Variants in PDE6C observed in about 807,000 individuals in gnomAD.
PDE6C encodes the protein phosphodiesterase 6C.
PDE6C carries 75 observed loss-of-function variants against 113.1 expected under a neutral mutation model. That is an observed-to-expected ratio of 0.66 (90% confidence interval 0.55 to 0.80). PDE6C has a LOEUF of 0.80. PDE6C is among the 30% of genes least tolerant of loss of function. The pLI is 0.00. For synonymous variants in PDE6C, 375 were observed against 363.7 expected, an observed-to-expected ratio of 1.03 and a Z score of -0.35; for missense variants, 912 against 1,038.6, an observed-to-expected ratio of 0.88 and a Z score of 1.67.
intron 4 of PDE6C, among the ~76,000 whole-genome samples, chr10:93,622,639 GTTTTTT>G (rs67350128): frequency 8.8e-6 from 1 of 113,992 alleles, no homozygotes; most frequent in East Asian, 2.7e-4. Flanking sequence ...GTAGCCACAG[GTTTTTT>G]TTTTGTTTTT....
chr10:93,665,245 A>T, intron 21 of PDE6C, 115 bp from the exon 22 acceptor site: 1 of 822,648 alleles, frequency 1.2e-6, no homozygotes, highest in Non-Finnish European at 2.1e-6. Context: ...AGTACTTGCT[A>T]GGTTAAAATG....
At chr10:93,643,320 G>A (rs2058568351) in intron 14 of PDE6C, among the ~76,000 whole-genome samples, 1 of 151,980 alleles carries the variant, frequency 6.6e-6, no homozygotes, top group Non-Finnish European at 1.5e-5. Flanking sequence ...CAACTGTATG[G>A]GCATGTGGTG....
At chr10:93,622,862 A>T (rs2058455379) in intron 4 of PDE6C, among the ~76,000 whole-genome samples, 1 of 152,036 alleles carries the variant, frequency 6.6e-6, no homozygotes, top group Non-Finnish European at 1.5e-5. Context: ...AGGTTTGTGT[A>T]TCCATTCACC....
chr10:93,638,883 A>T (rs2058546304), intron 11 of PDE6C, among the ~76,000 whole-genome samples: 1 of 152,088 alleles, frequency 6.6e-6, no homozygotes. Context: ...GGGCTGGGGG[A>T]ACCAGAAACC....
chr10:93,620,754 T>A lies in PDE6C; in HGVS notation c.603T>A (p.Asn201Lys). 2 of 1,614,116 alleles carry A rather than the reference T, an allele frequency of 1.2e-6. No individual in the cohort carries two copies. The highest frequency in any genetic ancestry group is 1.7e-6 in the Non-Finnish European group (2 of 1,180,012). Residue 201 changes from asparagine to lysine, a missense_variant, in exon 2 of 22, where the codon AAT becomes AAA. Physicochemically the swap from Asn to Lys is moderately conservative, Grantham distance 94. Transcript: ENST00000371447. ...TGATCATGGCAGTTAACAAAGTAAA[T>A]GCATCTGAATTTTCCAAACAGGATG... The part of the protein sequence containing the change: ...LAVIMAVNKV[N>K]ASEFSKQDEE...
Position 93,640,123 on chromosome 10 carries a change from T to C in PDE6C, c.1536T>C (p.Ser512=), listed in dbSNP as rs2134611213. 5.0e-6 allele frequency: 8 copies of C among 1,614,020 alleles called. No individual in the cohort carries two copies. The highest frequency in any genetic ancestry group is 6.8e-6 in the Non-Finnish European group (8 of 1,179,876). The change falls in exon 12 of 22, where the codon AGT becomes AGC. Residue 512 remains serine (S), a synonymous_variant. Transcript: ENST00000371447. ...CAGAACTGTACGAATTCCGCTTCAG[T>C]GACTTCCCCCTTACAGAGCACGGAT... ...RSAELYEFRF[S]DFPLTEHGLI...
intron 3 of PDE6C, among the ~76,000 whole-genome samples, chr10:93,621,369 T>G (rs994444577): frequency 6.6e-6 from 1 of 152,198 alleles, no homozygotes; most frequent in Non-Finnish European, 1.5e-5. Flanking sequence ...TTGAGGAGCA[T>G]ATTATTCCTA....
intron 14 of PDE6C, among the ~76,000 whole-genome samples, chr10:93,644,258 CT>C (rs900572434): frequency 6.6e-6 from 1 of 152,150 alleles, no homozygotes; most frequent in African/African-American, 2.4e-5. Context: ...ACATTTTCTC[CT>C]TTGCAATTAA....
At chr10:93,642,545 CT>C (rs2058564998) in intron 14 of PDE6C, among the ~76,000 whole-genome samples, 1 of 152,140 alleles carries the variant, frequency 6.6e-6, no homozygotes, top group South Asian at 2.1e-4. Context: ...TGAACTACCC[CT>C]CTCCAGAAGT....
chr10:93,648,657 G>T (rs553048716), intron 15 of PDE6C, among the ~76,000 whole-genome samples: 1 of 152,284 alleles, frequency 6.6e-6, no homozygotes, highest in South Asian at 2.1e-4. Flanking sequence ...TCACTGCTTT[G>T]AGGAATAGAA....
chr10:93,620,509 G>A (rs1446590803), intron 1 of PDE6C, 123 bp from the exon 2 acceptor site: 8 of 968,142 alleles, frequency 8.3e-6, no homozygotes, highest in Non-Finnish European at 1.3e-5. Flanking sequence ...GGGGACCACT[G>A]TACTGGAGCC....
intron 15 of PDE6C, among the ~76,000 whole-genome samples, chr10:93,647,171 T>G (rs1182541359): frequency 6.6e-6 from 1 of 152,148 alleles, no homozygotes; most frequent in African/African-American, 2.4e-5. Context: ...TTAAGAACGT[T>G]CCAAACCAAA....
intron 15 of PDE6C, among the ~76,000 whole-genome samples, chr10:93,649,715 A>G (rs1235457769): frequency 6.6e-6 from 1 of 152,006 alleles, no homozygotes; most frequent in East Asian, 1.9e-4. Context: ...AGAGATTCTC[A>G]CACCTCAGCC....
intron 15 of PDE6C, among the ~76,000 whole-genome samples, chr10:93,653,875 T>C (rs2058620888): frequency 6.6e-6 from 1 of 152,194 alleles, no homozygotes; most frequent in African/African-American, 2.4e-5. Flanking sequence ...ACTTTTCTTG[T>C]CCTAGAAAAT....
chr10:93,665,720 A>G lies in PDE6C; in HGVS notation c.*302A>G. 2.6e-6 allele frequency: 1 copy of G among 378,472 alleles called. No individual in the cohort carries two copies. The highest frequency in any genetic ancestry group is 2.4e-5 in the South Asian group (1 of 41,742). The allele number at this position is 378,472 out of a possible 1,614,324, so 23.4% of individuals were successfully genotyped here. On this transcript the variant is annotated 3_prime_UTR_variant, in exon 22 of 22. Coordinates refer to ENST00000371447, the MANE Select transcript of PDE6C (RefSeq NM_006204.4). ...AAACATTAATTGTATTTATTTGCTAAGGCTGCTATAACAAAGTACCACAGA... is the reference window on the plus strand; with the variant it reads ...AAACATTAATTGTATTTATTTGCTAGGGCTGCTATAACAAAGTACCACAGA...
rs983200790 is a variant in PDE6C at position 93,612,539 on chromosome 10, C to T, written c.-187C>T. ...CCCACCCTAAGCCAGGGCCTTCTGT[C>T]ACATCCCAAGAGTTACAGGCAGTTT... On this transcript the variant is annotated 5_prime_UTR_variant, in exon 1 of 22. Coordinates refer to ENST00000371447, the MANE Select transcript of PDE6C (RefSeq NM_006204.4). 69 of 732,148 alleles carry T rather than the reference C, an allele frequency of 9.4e-5. No individual in the cohort carries two copies. Among genetic ancestry groups the T allele is most frequent in the Non-Finnish European group, 1.3e-4 (55 of 430,306 alleles). 45.4% of individuals were successfully genotyped at this position (732,148 alleles called of 1,614,324 possible). A position where few individuals can be genotyped will look rare whatever the true frequency, so the allele number is the denominator to read the frequency against.
chr10:93,614,685 T>C (rs968750272), intron 1 of PDE6C, among the ~76,000 whole-genome samples: 3 of 152,202 alleles, frequency 2.0e-5, no homozygotes, highest in African/African-American at 7.2e-5. Context: ...TTTCTGCTGT[T>C]ATACTTTGAT....
intron 20 of PDE6C, 115 bp downstream of exon 20, chr10:93,662,758 G>GT: frequency 1.4e-6 from 1 of 704,586 alleles, no homozygotes; most frequent in South Asian, 1.6e-5. Flanking sequence ...GGGTATCACT[G>GT]TTTCTCCAAA....
intron 5 of PDE6C, among the ~76,000 whole-genome samples, chr10:93,626,433 G>A (rs1164362822): frequency 6.6e-6 from 1 of 152,164 alleles, no homozygotes; most frequent in Non-Finnish European, 1.5e-5. Context: ...ATTTTAGCCT[G>A]TGCATGTAGA....
Sources: gnomAD v4.1 joint callset for allele counts (sites outside exome capture counted in the v4.1 genomes callset) on GRCh38, gnomAD v4.1.1 for gene constraint, MANE v1.5 for transcripts, NCBI Gene and HGNC (gene_info 2026-07-23, HGNC 2026-07-21) for gene names.